WASL: variants seen among roughly 807,000 people sequenced by gnomAD.
WASL encodes WASP like actin nucleation promoting factor, also known as actin nucleation-promoting factor WASL.
A neutral mutation model predicts 55.5 loss-of-function variants in WASL; 20 were observed. The observed-to-expected ratio is 0.36, with a 90% CI of 0.25 to 0.52. The LOEUF is 0.52. Among genes scored for constraint, WASL ranks in the 20% least tolerant of loss-of-function variants. The probability of loss-of-function intolerance (pLI) is 0.92; values close to 1 mark genes in which losing one functional copy is unlikely to be tolerated. For synonymous variants in WASL, 249 were observed against 217.6 expected (o/e 1.14, Z -1.27); for missense variants, 504 against 622.5 (o/e 0.81, Z 2.03).
chr7:123,731,179 T>C lies in WASL; in HGVS notation c.117+17439A>G, dbSNP rs942920152. Among the ~76,000 whole-genome samples, 6 of 152,246 alleles carry C rather than the reference T, an allele frequency of 3.9e-5. 1 individual carries two copies. The South Asian group carries it at 1.2e-3, about 32-fold the overall frequency. The stretch of plus-strand genomic sequence containing the variant: ...GTATACACACACATATATACATACA[T>C]ACATATATATATGCACACATATATA... On this transcript the variant is annotated intron_variant, in intron 1 of 10. Coordinates refer to ENST00000223023, the MANE Select transcript of WASL (RefSeq NM_003941.4).
At chr7:123,742,741 T>A (rs1267656301) in intron 1 of WASL, among the ~76,000 whole-genome samples, 2 of 152,240 alleles carry the variant, frequency 1.3e-5, no homozygotes, top group Non-Finnish European at 2.9e-5. Context: ...TTTTTTATTC[T>A]GTTCACTCTG....
intron 9 of WASL, among the ~76,000 whole-genome samples, chr7:123,690,476 G>C (rs932568302): frequency 8.2e-6 from 1 of 122,598 alleles, no homozygotes; most frequent in Non-Finnish European, 1.8e-5. Context: ...TAACGAACTC[G>C]GATTACATGT....
intron 5 of WASL, among the ~76,000 whole-genome samples, chr7:123,702,668 C>G (rs956594980): frequency 4.6e-5 from 7 of 152,174 alleles, no homozygotes; most frequent in African/African-American, 1.7e-4. Context: ...CATTACTTCT[C>G]AGCCTTTTGG....
chr7:123,720,344 CAAAA>C (rs11377481), intron 1 of WASL: 224 of 348,882 alleles, frequency 6.4e-4, no homozygotes, highest in Admixed American at 9.7e-4. Flanking sequence ...CATACAGCTG[CAAAA>C]AAAAAAAAAA....
At chr7:123,708,934 C>T (rs769773679) in intron 2 of WASL, among the ~76,000 whole-genome samples, 155 bp downstream of exon 2, 3 of 151,806 alleles carry the variant, frequency 2.0e-5, no homozygotes, top group Admixed American at 1.3e-4. Context: ...TCATGATTTC[C>T]GTATGCAATA....
intron 1 of WASL, among the ~76,000 whole-genome samples, chr7:123,739,914 G>GTGTATA (rs1214094701): frequency 1.8e-4 from 6 of 33,036 alleles, no homozygotes; most frequent in African/African-American, 6.8e-4. Context: ...GTGTGTGTGT[G>GTGTATA]TATATATATA....
intron 10 of WASL, among the ~76,000 whole-genome samples, chr7:123,688,582 G>C (rs185709341): frequency 1.3e-5 from 2 of 152,078 alleles, no homozygotes; most frequent in East Asian, 1.9e-4. Flanking sequence ...GGCTGGTCTC[G>C]AACTCCCGAC....
intron 6 of WASL, 121 bp downstream of exon 6, chr7:123,696,458 C>T (rs1455081416): frequency 2.3e-6 from 2 of 874,796 alleles, no homozygotes; most frequent in African/African-American, 3.6e-5. Flanking sequence ...AAAACGGTAT[C>T]CAAGTGATGA....
chr7:123,692,519 G>C lies in WASL; in HGVS notation c.1175C>G (p.Pro392Arg). 6.2e-7 allele frequency: 1 copy of C among 1,614,010 alleles called. No homozygotes were observed. The highest frequency in any genetic ancestry group is 8.5e-7 in the Non-Finnish European group (1 of 1,180,026). Residue 392 changes from proline (P) to arginine (R), a missense_variant, in exon 9 of 11, where the codon CCT (proline) becomes CGT (arginine). By Grantham distance (103) the Pro-to-Arg change is moderately radical. Around this residue, in one of 5 missense-constraint regions of WASL, gnomAD observed 201 missense variants for 206.2 expected, o/e 0.97. Transcript: ENST00000223023. ...TGGAACCTGATGGTCCCCATCAGAAGGCAGGCCAGGCGGGGGCGGTGGCCC... is the reference window on the plus strand; with the variant it reads ...TGGAACCTGATGGTCCCCATCAGAACGCAGGCCAGGCGGGGGCGGTGGCCC... Reference protein sequence around the residue: ...PPGPPPPPGLPSDGDHQVPTT... With the variant: ...PPGPPPPPGLRSDGDHQVPTT...
intron 1 of WASL, among the ~76,000 whole-genome samples, chr7:123,728,476 G>T (rs1804087535): frequency 6.6e-6 from 1 of 152,154 alleles, no homozygotes; most frequent in Non-Finnish European, 1.5e-5. Context: ...CCATCTCTAG[G>T]AAATTGCTGA....
chr7:123,713,423 G>T (rs1803790551), intron 1 of WASL, among the ~76,000 whole-genome samples: 2 of 152,104 alleles, frequency 1.3e-5, no homozygotes, highest in Admixed American at 1.3e-4. Flanking sequence ...AAAGTGTAGG[G>T]ATTACAGATG....
chr7:123,715,258 T>C (rs976870920), intron 1 of WASL, among the ~76,000 whole-genome samples: 1 of 152,178 alleles, frequency 6.6e-6, no homozygotes, highest in African/African-American at 2.4e-5. Flanking sequence ...GCGGGAATAC[T>C]TGCACCTTGT....
Position 123,684,512 on chromosome 7 carries a change from A to G in WASL, c.*7T>C. On this transcript the variant is annotated 3_prime_UTR_variant, in exon 11 of 11. Transcript: ENST00000223023. ...TTAAAAATATATATATATATATAAT[A>G]TATAGATCAGTCTTCCCACTCATCA... 1.3e-6 allele frequency: 1 copy of G among 774,874 alleles called. No individual in the cohort carries two copies. The highest frequency in any genetic ancestry group is 1.8e-5 in the South Asian group (1 of 54,752). The allele number at this position is 774,874 out of a possible 1,614,324, so 48.0% of individuals were successfully genotyped here.
chr7:123,727,353 T>TCGCGCACACACACA (rs1554406247), intron 1 of WASL, among the ~76,000 whole-genome samples: 4 of 147,710 alleles, frequency 2.7e-5, no homozygotes, highest in African/African-American at 1.0e-4. Flanking sequence ...AAAATATGTG[T>TCGCGCACACACACA]CACACACACA....
intron 9 of WASL, among the ~76,000 whole-genome samples, chr7:123,690,669 A>C (rs1369957553): frequency 8.8e-6 from 1 of 114,010 alleles, no homozygotes; most frequent in African/African-American, 3.1e-5. Flanking sequence ...TTATGGAGAA[A>C]GTAAATAGAA....
chr7:123,733,158 T>C (rs1399016253), intron 1 of WASL, among the ~76,000 whole-genome samples: 1 of 152,216 alleles, frequency 6.6e-6, no homozygotes, highest in African/African-American at 2.4e-5. Context: ...CTAGAAGTTC[T>C]AGCTAATGTA....
chr7:123,725,376 T>A (rs903424355), intron 1 of WASL, among the ~76,000 whole-genome samples: 32 of 152,096 alleles, frequency 2.1e-4, no homozygotes, highest in Admixed American at 7.2e-4. Flanking sequence ...CTGTTTTTTT[T>A]AAAAAAGGAG....
intron 1 of WASL, among the ~76,000 whole-genome samples, chr7:123,728,542 C>T (rs570193509): frequency 6.6e-6 from 1 of 152,156 alleles, no homozygotes; most frequent in African/African-American, 2.4e-5. Context: ...AAACAAGGTC[C>T]AATAAAACAT....
chr7:123,689,623 C>T (rs1005431141), intron 9 of WASL, among the ~76,000 whole-genome samples: 7 of 152,018 alleles, frequency 4.6e-5, no homozygotes, highest in African/African-American at 1.2e-4. Context: ...AGCTTTACAC[C>T]TTTATGTTAC....
Sources: gnomAD v4.1 joint callset for allele counts (sites outside exome capture counted in the v4.1 genomes callset) on GRCh38, gnomAD v4.1.1 for gene constraint, gnomAD v4.1.1 regional missense constraint, MANE v1.5 for transcripts, NCBI Gene and HGNC (gene_info 2026-07-23, HGNC 2026-07-21) for gene names.